Variants in ZFYVE1 observed in about 807,000 individuals in gnomAD.
ZFYVE1 encodes zinc finger FYVE-type containing 1.
Under a neutral mutation model 74.4 loss-of-function variants are expected in ZFYVE1, and 30 were observed. The observed-to-expected ratio is 0.40, with a 90% confidence interval of 0.30 to 0.55. The LOEUF is 0.55. Among genes scored for constraint, ZFYVE1 ranks in the 20% least tolerant of loss-of-function variants. The probability of loss-of-function intolerance (pLI) is 0.42; values close to 1 mark genes in which losing one functional copy is unlikely to be tolerated. For missense variants in ZFYVE1, 703 were observed against 1,011.6 expected, an observed-to-expected ratio of 0.69 and a Z score of 4.14; for synonymous variants, 335 against 385.1, an observed-to-expected ratio of 0.87 and a Z score of 1.52.
In ZFYVE1 at chr14:72,991,303, C is replaced by T. The variant is rs1291168705; in HGVS notation, c.1203+1840G>A. 4.0e-5 allele frequency among the ~76,000 whole-genome samples: 6 copies of T among 151,634 alleles called. No individual in the cohort carries two copies. In the East Asian group the frequency reaches 9.7e-4, roughly 25 times the overall value. Reference sequence around the variant, plus strand: ...CTCCCGGGTTCACGCCATTCTCCTGCCTCAGCCTCCCAAGTAGCTGGGACT... The same window carrying T: ...CTCCCGGGTTCACGCCATTCTCCTGTCTCAGCCTCCCAAGTAGCTGGGACT... On this transcript the variant is annotated intron_variant, in intron 4 of 11. Coordinates refer to ENST00000556143, the MANE Select transcript of ZFYVE1 (RefSeq NM_021260.4).
chr14:73,007,094 G>A (rs1409137716), intron 2 of ZFYVE1, among the ~76,000 whole-genome samples: 1 of 152,060 alleles, frequency 6.6e-6, no homozygotes, highest in Non-Finnish European at 1.5e-5. Flanking sequence ...AGGGAATGAT[G>A]ATGTTCTCCC....
At position 72,997,887 on chromosome 14, in the gene ZFYVE1, C is replaced by G. The variant is rs765507803; in HGVS notation, c.912G>C (p.Leu304=). The change falls in exon 3 of 12, where the codon CTG becomes CTC. Residue 304 remains leucine (L), a synonymous_variant. Coordinates refer to ENST00000556143, the MANE Select transcript of ZFYVE1 (RefSeq NM_021260.4). ...ELKATTARCG[L]DVPLSTLGPA... is the part of the protein sequence containing the mutation. ...GGCCCAGTGTGGATAAAGGGACATC[C>G]AGGCCACAGCGAGCAGTGGTGGCCT... The G allele has an allele frequency of 6.2e-7, 1 of 1,613,976 alleles. No individual in the cohort carries two copies. The highest frequency in any genetic ancestry group is 8.5e-7 in the Non-Finnish European group (1 of 1,179,862).
Position 72,998,270 on chromosome 14 carries a change from C to G in ZFYVE1, c.529G>C (p.Asp177His). 6.4e-7 allele frequency: 1 copy of G among 1,559,418 alleles called. No homozygotes were observed. Among genetic ancestry groups the G allele is most frequent in the East Asian group, 2.3e-5 (1 of 43,484 alleles). The change falls in exon 3 of 12, where the codon GAT becomes CAT. Residue 177 changes from aspartate to histidine, a missense_variant. Coordinates refer to ENST00000556143, the MANE Select transcript of ZFYVE1 (RefSeq NM_021260.4). ...ATGGAAACCACTTTCAGATGCTGAT[C>G]AGGTTTGCAGTCCAATTTTCTAATA... ...DFIRKLDCKP[D>H]QHLKVVSIFG...
chr14:72,996,019 G>C (rs1893740798), intron 3 of ZFYVE1, among the ~76,000 whole-genome samples: 1 of 152,068 alleles, frequency 6.6e-6, no homozygotes, highest in African/African-American at 2.4e-5. Context: ...TGCCATACTT[G>C]AGAACTGAGT....
intron 2 of ZFYVE1, among the ~76,000 whole-genome samples, chr14:73,008,642 T>C (rs1317587703): frequency 6.6e-6 from 1 of 152,120 alleles, no homozygotes; most frequent in East Asian, 1.9e-4. Context: ...AAATACCGAG[T>C]CATCCCCAAG....
Position 72,997,830 on chromosome 14 carries a change from G to A in ZFYVE1, c.969C>T (p.His323=). ...PAVIIFHETV[H]TQLLGSDHPS... is the part of the protein sequence containing the mutation. ...TCTCACCAGAGCCCAGTAGCTGGGT[G>A]TGCACGGTCTCATGGAAGATGATAA... The change falls in exon 3 of 12, where the codon CAC becomes CAT. Residue 323 remains histidine, a synonymous_variant. Transcript: ENST00000556143. 6.3e-7 allele frequency: 1 copy of A among 1,597,088 alleles called. No individual in the cohort carries two copies. The highest frequency in any genetic ancestry group is 8.6e-7 in the Non-Finnish European group (1 of 1,166,766).
intron 2 of ZFYVE1, among the ~76,000 whole-genome samples, chr14:73,010,823 A>G (rs1221292715): frequency 6.6e-6 from 1 of 150,594 alleles, no homozygotes; most frequent in Non-Finnish European, 1.5e-5. Context: ...AAAATTATAG[A>G]GTCAGGGTTG....
At chr14:73,023,165 A>AATAT (rs772492397) in intron 2 of ZFYVE1, among the ~76,000 whole-genome samples, 1 of 946 alleles carries the variant, frequency 1.1e-3, no homozygotes, top group African/African-American at 1.9e-3. Context: ...CATCTCAAAA[A>AATAT]ATATATATAT....
intron 2 of ZFYVE1, among the ~76,000 whole-genome samples, chr14:73,023,187 TATATA>T: frequency 1.4e-5 from 2 of 138,472 alleles, no homozygotes; most frequent in East Asian, 2.0e-4. Flanking sequence ...TATATATATA[TATATA>T]TTTTATATAT....
chr14:72,995,965 G>C (rs949475565), intron 3 of ZFYVE1, among the ~76,000 whole-genome samples: 4 of 152,126 alleles, frequency 2.6e-5, no homozygotes, highest in South Asian at 4.1e-4. Context: ...TGAAAATATA[G>C]ATCTGGCCAT....
chr14:72,992,677 C>G (rs1893649044), intron 4 of ZFYVE1, among the ~76,000 whole-genome samples: 1 of 144,082 alleles, frequency 6.9e-6, no homozygotes, highest in Non-Finnish European at 1.5e-5. Flanking sequence ...CCTATCAAAC[C>G]TCTGCTCCTA....
chr14:72,992,870 G>A (rs2140362475), intron 4 of ZFYVE1, among the ~76,000 whole-genome samples: 1 of 152,214 alleles, frequency 6.6e-6, no homozygotes, highest in South Asian at 2.1e-4. Context: ...ACTCACCAGG[G>A]CTGAGCCACA....
At chr14:72,977,904 C>G (rs1372445544) in intron 8 of ZFYVE1, 23 bp downstream of exon 8, 2 of 1,610,832 alleles carry the variant, frequency 1.2e-6, no homozygotes, top group Admixed American at 1.7e-5. Flanking sequence ...TAAAGAAAAA[C>G]AGAGAAATCC....
intron 2 of ZFYVE1, among the ~76,000 whole-genome samples, chr14:73,005,666 C>T (rs551356297): frequency 5.9e-5 from 9 of 152,220 alleles, no homozygotes; most frequent in Middle Eastern, 3.4e-3. Flanking sequence ...CGACACTCAG[C>T]GGACTAAAAG....
At chr14:72,982,939 G>A (rs939673258) in intron 4 of ZFYVE1, among the ~76,000 whole-genome samples, 2 of 152,164 alleles carry the variant, frequency 1.3e-5, no homozygotes, top group South Asian at 2.1e-4. Context: ...TGCCCCCTGG[G>A]TTCAAGAGAT....
intron 3 of ZFYVE1, among the ~76,000 whole-genome samples, chr14:72,994,184 C>T (rs1460159746): frequency 6.8e-6 from 1 of 145,990 alleles, no homozygotes; most frequent in East Asian, 2.1e-4. Flanking sequence ...TTAGTCGGGC[C>T]TAGTGGTGCA....
In ZFYVE1 at chr14:72,975,554, A is replaced by G; in HGVS notation, c.1803T>C (p.Ile601=). Residue 601 remains isoleucine, a synonymous_variant, in exon 9 of 12, where the codon ATT becomes ATC. Coordinates refer to ENST00000556143, the MANE Select transcript of ZFYVE1 (RefSeq NM_021260.4). This position sits in a 1 kb window ranked among gnomAD's most constrained non-coding sequence, Gnocchi z 4.1. ...APAYWRPNSQ[I]LSCNKCATSF... is the part of the protein sequence containing the mutation. ...GGGGCATCCTGGCACACCATACCAG[A>G]ATCTGGGAGTTGGGCCTCCAGTAGG... 6.2e-7 allele frequency: 1 copy of G among 1,611,778 alleles called. No homozygotes were observed.
chr14:73,019,261 G>A (rs1333276737), intron 2 of ZFYVE1, among the ~76,000 whole-genome samples: 1 of 152,080 alleles, frequency 6.6e-6, no homozygotes, highest in Non-Finnish European at 1.5e-5. Flanking sequence ...ACACACAAGG[G>A]TTACAGCCTA....
At chr14:73,005,251 G>A (rs1893954213) in intron 2 of ZFYVE1, among the ~76,000 whole-genome samples, 1 of 152,094 alleles carries the variant, frequency 6.6e-6, no homozygotes, top group African/African-American at 2.4e-5. Flanking sequence ...GAAAGGCAGA[G>A]AAAAATAAGA....
Sources: allele counts gnomAD v4.1 joint callset (sites outside exome capture counted in the v4.1 genomes callset), GRCh38; gene constraint gnomAD v4.1.1; non-coding constraint Gnocchi (gnomAD v3.1); transcripts MANE v1.5; gene names NCBI Gene and HGNC (gene_info 2026-07-23, HGNC 2026-07-21).